GABRA3: variants seen among roughly 807,000 people sequenced by gnomAD.
The protein encoded by GABRA3 is gamma-aminobutyric acid type A receptor subunit alpha3, also known as gamma-aminobutyric acid receptor subunit alpha-3.
GABRA3 carries 10 observed loss-of-function variants against 30.1 expected under a neutral mutation model. That is an observed-to-expected ratio of 0.33 (90% CI 0.20 to 0.56). The LOEUF (loss-of-function observed/expected upper bound fraction) is 0.56, where lower values mean the gene tolerates loss of function less well. Among genes scored for constraint, GABRA3 ranks in the 20% least tolerant of loss-of-function variants. The pLI, the probability that GABRA3 is intolerant of heterozygous loss-of-function variation, is 0.89. For synonymous variants in GABRA3, 151 were observed against 146.8 expected, an observed-to-expected ratio of 1.03 and a Z score of -0.21; for missense variants, 233 against 392.0, an observed-to-expected ratio of 0.59 and a Z score of 3.42.
At chrX:152,443,386 T>C (rs1399864946) in intron 1 of GABRA3, among the ~76,000 whole-genome samples, 1 of 112,194 alleles carries the variant, frequency 8.9e-6, no homozygotes, top group East Asian at 2.8e-4. Context: ...AACAATCTTA[T>C]ACAGTAGAGT....
intron 1 of GABRA3, among the ~76,000 whole-genome samples, chrX:152,419,262 G>A (rs1347131062): frequency 9.0e-6 from 1 of 110,513 alleles, no homozygotes; most frequent in Non-Finnish European, 1.9e-5. Context: ...TGCACGTTGT[G>A]CACATGTACC....
rs750658403 is a variant in GABRA3, at chrX:152,232,657, G to GTA, written c.552-7814_552-7813dup. ...TGTGTGTGTATATATGTAACATTGT[G>GTA]TATATATATACAGCATTATATATAT... On this transcript the variant is annotated intron_variant, in intron 5 of 9. Coordinates refer to ENST00000370314, the MANE Select transcript of GABRA3 (RefSeq NM_000808.4). 2.0e-4 allele frequency among the ~76,000 whole-genome samples: 21 copies of GTA among 107,258 alleles called. 1 individual carries two copies. In the East Asian group the frequency reaches 5.8e-3, roughly 30 times the overall value. 93.1% of individuals were successfully genotyped at this position (107,258 alleles called of 115,157 possible).
chrX:152,377,926 T>C (rs923087032), intron 1 of GABRA3, among the ~76,000 whole-genome samples: 1 of 111,860 alleles, frequency 8.9e-6, no homozygotes, highest in African/African-American at 3.3e-5. Flanking sequence ...GAACAGGGCA[T>C]AGACAAATTG....
intron 3 of GABRA3, among the ~76,000 whole-genome samples, chrX:152,345,315 C>T (rs1162935337): frequency 9.0e-6 from 1 of 111,600 alleles, no homozygotes; most frequent in Non-Finnish European, 1.9e-5. Context: ...AAAAATCATA[C>T]GTCAAACCAT....
intron 3 of GABRA3, among the ~76,000 whole-genome samples, chrX:152,307,261 G>T (rs1263912253): frequency 8.9e-6 from 1 of 111,892 alleles, no homozygotes; most frequent in Non-Finnish European, 1.9e-5. Flanking sequence ...AAGGGATGCT[G>T]GATGTGAAAA....
intron 3 of GABRA3, among the ~76,000 whole-genome samples, chrX:152,340,568 T>C (rs917494398): frequency 3.6e-5 from 4 of 111,930 alleles, no homozygotes; most frequent in African/African-American, 1.3e-4. Context: ...AAAGTGTTTA[T>C]TTTGCCTTTT....
At chrX:152,295,975 C>T (rs140129192) in intron 3 of GABRA3, among the ~76,000 whole-genome samples, 224 of 112,046 alleles carry the variant, frequency 2.0e-3, no homozygotes, top group African/African-American at 6.8e-3. Context: ...TTCTATTAGA[C>T]ATATGAGATA....
chrX:152,297,407 C>T (rs1939549538), intron 3 of GABRA3, among the ~76,000 whole-genome samples: 1 of 112,155 alleles, frequency 8.9e-6, no homozygotes, highest in African/African-American at 3.2e-5. Flanking sequence ...ACATTTAATA[C>T]TGAAATTGTA....
rs751956746 is a variant in GABRA3 at position 152,356,968 on chromosome X, C to G, written c.140+7463G>C. ...ATAGTATTCCATGGTGTATATGTAC[C>G]ACATTTATTTTATCTAATCCACTTT... On this transcript the variant is annotated intron_variant, in intron 2 of 9. Coordinates refer to ENST00000370314, the MANE Select transcript of GABRA3 (RefSeq NM_000808.4). 1.6e-4 allele frequency among the ~76,000 whole-genome samples: 18 copies of G among 111,642 alleles called. No individual in the cohort carries two copies. In the South Asian group the frequency reaches 6.0e-3, roughly 37 times the overall value.
At position 152,451,224 on chromosome X, in the gene GABRA3, C is replaced by G. The variant is rs2124559409; in HGVS notation, c.-105G>C. ...TTGGAGGTTGAGCCCTGACAGAGCT[C>G]GGCTTCTGGCTTCTTCTTCTCTCTC... is the stretch of plus-strand genomic sequence containing the variant. On this transcript the variant is annotated 5_prime_UTR_variant, in exon 1 of 10. Coordinates refer to ENST00000370314, the MANE Select transcript of GABRA3 (RefSeq NM_000808.4). The G allele has an allele frequency of 9.0e-6, 1 of 111,564 alleles. No homozygotes were observed. The highest frequency in any genetic ancestry group is 2.8e-4 in the East Asian group (1 of 3,510). 9.2% of individuals were successfully genotyped at this position (111,564 alleles called of 1,213,427 possible).
chrX:152,413,168 C>T (rs752889738), intron 1 of GABRA3, among the ~76,000 whole-genome samples: 2 of 110,538 alleles, frequency 1.8e-5, no homozygotes, highest in African/African-American at 6.5e-5. Context: ...GCTGAATTCT[C>T]ACCAAAAACC....
rs931984327 is a variant in GABRA3, at chrX:152,332,436, C to T, written c.262+13145G>A. On this transcript the variant is annotated intron_variant, in intron 3 of 9. Coordinates refer to ENST00000370314, the MANE Select transcript of GABRA3 (RefSeq NM_000808.4). ...CACCTTGTGTTCATTATTTCAGTTACAGCAAGCACTTTCTCAAGCACTTTC... is the reference window on the plus strand; with the variant it reads ...CACCTTGTGTTCATTATTTCAGTTATAGCAAGCACTTTCTCAAGCACTTTC... 1.8e-4 allele frequency among the ~76,000 whole-genome samples: 20 copies of T among 112,217 alleles called. 1 individual carries two copies. Among genetic ancestry groups the T allele is most frequent in the African/African-American group, 6.5e-4 (20 of 30,933 alleles).
Position 152,383,407 on chromosome X carries a change from A to G in GABRA3, c.-26-18811T>C, listed in dbSNP as rs1281125843. ...CCATCTCAAAAAAAAAAAAAAAAAA[A>G]AAAGAAAGAAAGAAAAGAAAAGAAA... On this transcript the variant is annotated intron_variant, in intron 1 of 9. Coordinates refer to ENST00000370314, the MANE Select transcript of GABRA3 (RefSeq NM_000808.4). Among the ~76,000 whole-genome samples the G allele has an allele frequency of 1.3e-3, 136 of 103,214 alleles. 1 individual carries two copies. The highest frequency in any genetic ancestry group is 1.6e-3 in the African/African-American group (43 of 27,253). 89.6% of individuals were successfully genotyped at this position (103,214 alleles called of 115,157 possible).
At chrX:152,336,035 G>T (rs985346091) in intron 3 of GABRA3, among the ~76,000 whole-genome samples, 2 of 111,271 alleles carry the variant, frequency 1.8e-5, no homozygotes, top group Non-Finnish European at 1.9e-5. Context: ...AAAGTTTTTT[G>T]AAGTATATTT....
intron 2 of GABRA3, among the ~76,000 whole-genome samples, chrX:152,346,904 A>G (rs1471415085): frequency 8.9e-6 from 1 of 112,020 alleles, no homozygotes; most frequent in Non-Finnish European, 1.9e-5. Context: ...AATGTAAATT[A>G]GTACAACCAC....
intron 1 of GABRA3, among the ~76,000 whole-genome samples, chrX:152,444,770 G>GT (rs1326298196): frequency 3.6e-4 from 16 of 44,753 alleles, no homozygotes; most frequent in South Asian, 1.2e-3. Context: ...TTGTTTGTTT[G>GT]TTTTTTTTTG....
chrX:152,221,505 C>T (rs2124378643), intron 6 of GABRA3, among the ~76,000 whole-genome samples: 1 of 111,809 alleles, frequency 8.9e-6, no homozygotes, highest in East Asian at 2.8e-4. Flanking sequence ...TTAAGATCTC[C>T]TTAACTATTC....
At chrX:152,280,635 C>A (rs1939183177) in intron 4 of GABRA3, among the ~76,000 whole-genome samples, 2 of 111,044 alleles carry the variant, frequency 1.8e-5, no homozygotes, top group Admixed American at 9.6e-5. Flanking sequence ...ATGTCTTTTT[C>A]TGTGTTCTTA....
At chrX:152,262,662 G>C (rs148075228) in intron 4 of GABRA3, among the ~76,000 whole-genome samples, 1 of 111,851 alleles carries the variant, frequency 8.9e-6, no homozygotes, top group African/African-American at 3.2e-5. Flanking sequence ...TGAGTCTCTA[G>C]GAAGCTCAAA....
Sources: gnomAD v4.1 joint callset for allele counts (sites outside exome capture counted in the v4.1 genomes callset) on GRCh38, gnomAD v4.1.1 for gene constraint, MANE v1.5 for transcripts, NCBI Gene and HGNC (gene_info 2026-07-23, HGNC 2026-07-21) for gene names.